TCHH: variants seen among roughly 807,000 people sequenced by gnomAD.
TCHH encodes the protein trichohyalin.
A neutral mutation model predicts 6.3 loss-of-function variants in TCHH; 6 were observed. That is an observed-to-expected ratio of 0.95 (90% CI 0.52 to 1.88). The LOEUF (loss-of-function observed/expected upper bound fraction) is 1.88, where lower values mean the gene tolerates loss of function less well. Ranked by LOEUF, TCHH falls within the 40% of genes most tolerant of loss-of-function variation. The pLI is 0.01. For missense variants in TCHH, 2,920 were observed against 2,449.1 expected, an observed-to-expected ratio of 1.19 and a Z score of -4.06; for synonymous variants, 1,087 against 963.6, an observed-to-expected ratio of 1.13 and a Z score of -2.37.
In TCHH at chr1:152,112,027, C is replaced by G; in HGVS notation, c.1190G>C (p.Arg397Pro). Residue 397 changes from arginine to proline, a missense_variant, in exon 3 of 3, where the codon CGC becomes CCC. Coordinates refer to ENST00000614923, the MANE Select transcript of TCHH (RefSeq NM_007113.4). ...QQLRREQQLR[R>P]EQQLRREQQL... ...CTGCTCGCGCCTCAGCTGCTGCTCG[C>G]GCCTCAGCTGCTGCTCGCGCCTCAG... is the stretch of plus-strand genomic sequence containing the variant. 1 of 343,520 alleles carries G rather than the reference C, an allele frequency of 2.9e-6. No individual in the cohort carries two copies. Among genetic ancestry groups the G allele is most frequent in the East Asian group, 6.9e-5 (1 of 14,546 alleles). The allele number at this position is 343,520 out of a possible 1,614,324, so 21.3% of individuals were successfully genotyped here.
rs1332129322 is a variant in TCHH at position 152,110,605 on chromosome 1, TCGCGGC to T, written c.2606_2611del (p.Arg869_Asp871delinsHis). ...TTCTAGTTGCCACCTCCATTTTTGG[TCGCGGC>T]GCTGCTCCTGGCTTCGCCTCCTCTC... On this transcript the variant is annotated inframe_deletion, in exon 3 of 3. Coordinates refer to ENST00000614923, the MANE Select transcript of TCHH (RefSeq NM_007113.4). The T allele has an allele frequency of 6.2e-7, 1 of 1,614,196 alleles. No homozygotes were observed.
In TCHH at chr1:152,107,616, T is replaced by C. The variant is rs971787685; in HGVS notation, c.5601A>G (p.Glu1867=). 3.7e-6 allele frequency: 6 copies of C among 1,614,176 alleles called. No homozygotes were observed. In the East Asian group the frequency reaches 6.7e-5, roughly 18 times the overall value. ...SRREEQELWQ[E]EEQKRRQERE... is the part of the protein sequence containing the mutation. The stretch of plus-strand genomic sequence containing the variant: ...GTTCCTGGCGACGTTTCTGCTCCTC[T>C]TCTTGCCATAGTTCTTGTTCCTCAC... The change falls in exon 3 of 3, where the codon GAA becomes GAG. Residue 1867 remains glutamate (E), a synonymous_variant. Transcript: ENST00000614923.
chr1:152,108,405 C>T lies in TCHH; in HGVS notation c.4812G>A (p.Leu1604=), dbSNP rs1052108674. Residue 1604 remains leucine, a synonymous_variant, in exon 3 of 3, where the codon CTG becomes CTA. Coordinates refer to ENST00000614923, the MANE Select transcript of TCHH (RefSeq NM_007113.4). ...ERKFMEDEQQ[L]RRQEGQQQLR... Reference sequence around the variant, plus strand: ...GCTGTTGTTGGCCCTCCTGGCGGCGCAGCTGCTGTTCGTCCTCCATGAATT... The same window carrying T: ...GCTGTTGTTGGCCCTCCTGGCGGCGTAGCTGCTGTTCGTCCTCCATGAATT... 4 of 1,612,428 alleles carry T rather than the reference C, an allele frequency of 2.5e-6. No homozygotes were observed. The Admixed American group carries it at 5.0e-5, about 20-fold the overall frequency.
chr1:152,107,929 TGCTGTTCTTCCCTTTCCGGACGGA>T lies in TCHH; in HGVS notation c.5264_5287del (p.Leu1755_Gln1762del), dbSNP rs1388469225. The T allele has an allele frequency of 6.2e-7, 1 of 1,614,094 alleles. No individual in the cohort carries two copies. Among genetic ancestry groups the T allele is most frequent in the Non-Finnish European group, 8.5e-7 (1 of 1,180,000 alleles). Reference sequence around the variant, plus strand: ...TCTGTCGCGCTCCTGGCGGCGCAGCTGCTGTTCTTCCCTTTCCGGACGGAGCTGCTCTTCCTCTAGGATTTTTCT... The same window carrying T: ...TCTGTCGCGCTCCTGGCGGCGCAGCTGCTGCTCTTCCTCTAGGATTTTTCT... On this transcript the variant is annotated inframe_deletion, in exon 3 of 3. Coordinates refer to ENST00000614923, the MANE Select transcript of TCHH (RefSeq NM_007113.4).
rs987915327 is a variant in TCHH at position 152,112,904 on chromosome 1, C to T, written c.313G>A (p.Gly105Arg). 4.3e-6 allele frequency: 7 copies of T among 1,613,820 alleles called. No individual in the cohort carries two copies. The highest frequency in any genetic ancestry group is 1.1e-5 in the South Asian group (1 of 91,070). ...CGATCTTGTAACAGGCTCTCCTTTCCGTCACACCGGGCTCGCTTCTCCTCA... is the reference window on the plus strand; with the variant it reads ...CGATCTTGTAACAGGCTCTCCTTTCTGTCACACCGGGCTCGCTTCTCCTCA... ...LDEEKRARCDGKESLLQDRRQ... is the reference protein window; with the variant it reads ...LDEEKRARCDRKESLLQDRRQ... Residue 105 changes from glycine to arginine, a missense_variant, in exon 3 of 3, where the codon GGA becomes AGA. By Grantham distance (125) the Gly-to-Arg change is moderately radical (BLOSUM62 -2). Coordinates refer to ENST00000614923, the MANE Select transcript of TCHH (RefSeq NM_007113.4).
intron 2 of TCHH, 39 bp from the exon 3 acceptor site, chr1:152,113,117 A>G (rs1205016117): frequency 7.9e-6 from 12 of 1,517,302 alleles, no homozygotes; most frequent in East Asian, 4.5e-5. Flanking sequence ...ACAATGCACT[A>G]TTTACAGGTG....
Position 152,107,316 on chromosome 1 carries a change from T to C in TCHH, c.*69A>G, listed in dbSNP as rs1572153528. 1 of 1,411,452 alleles carries C rather than the reference T, an allele frequency of 7.1e-7. No homozygotes were observed. 87.4% of individuals were successfully genotyped at this position (1,411,452 alleles called of 1,614,324 possible). On this transcript the variant is annotated 3_prime_UTR_variant, in exon 3 of 3. Transcript: ENST00000614923. ...AACCAGAAACATCTGAGTTATCACT[T>C]GGTACCCAGTGTTTCTCATTTTCCC...
At position 152,110,868 on chromosome 1, in the gene TCHH, C is replaced by A; in HGVS notation, c.2349G>T (p.Arg783Ser). The A allele has an allele frequency of 6.2e-7, 1 of 1,610,552 alleles. No individual in the cohort carries two copies. The highest frequency in any genetic ancestry group is 1.1e-5 in the South Asian group (1 of 91,060). ...AEEKSERGRQ[R>S]LSARPPLREQ... ...CCCGCAATGGGGGCCTGGCCGACAG[C>A]CTCTGACGGCCCCTCTCGCTCTTTT... The change falls in exon 3 of 3, where the codon AGG (arginine) becomes AGT (serine). Residue 783 changes from arginine to serine, a missense_variant. Coordinates refer to ENST00000614923, the MANE Select transcript of TCHH (RefSeq NM_007113.4).
chr1:152,111,324 C>A lies in TCHH; in HGVS notation c.1893G>T (p.Gln631His). The change falls in exon 3 of 3, where the codon CAG (glutamine) becomes CAT (histidine). Residue 631 changes from glutamine to histidine, a missense_variant. Coordinates refer to ENST00000614923, the MANE Select transcript of TCHH (RefSeq NM_007113.4). Reference sequence around the variant, plus strand: ...CCTGCTCCTCGCTCTTCAGCAGCTGCTGGCGCCTCTCTTCCTCCGGCTCCT... The same window carrying A: ...CCTGCTCCTCGCTCTTCAGCAGCTGATGGCGCCTCTCTTCCTCCGGCTCCT... ...KREEPEEERR[Q>H]QLLKSEEQEE... is the part of the protein sequence containing the mutation. The A allele has an allele frequency of 6.2e-7, 1 of 1,601,444 alleles. No homozygotes were observed. Among genetic ancestry groups the A allele is most frequent in the South Asian group, 1.1e-5 (1 of 90,594 alleles).
At position 152,112,888 on chromosome 1, in the gene TCHH, A is replaced by G. The variant is rs778393724; in HGVS notation, c.329T>C (p.Leu110Ser). The G allele has an allele frequency of 2.3e-5, 37 of 1,613,734 alleles. No individual in the cohort carries two copies. The highest frequency in any genetic ancestry group is 3.1e-5 in the Non-Finnish European group (36 of 1,180,010). The change falls in exon 3 of 3, where the codon TTA becomes TCA. Residue 110 changes from leucine (L) to serine (S), a missense_variant. Leu to Ser is a moderately radical substitution (Grantham distance 145). Coordinates refer to ENST00000614923, the MANE Select transcript of TCHH (RefSeq NM_007113.4). Reference protein sequence around the residue: ...RARCDGKESLLQDRRQEEDQR... With the variant: ...RARCDGKESLSQDRRQEEDQR... ...GTCTTCTTCTTGCCTGCGATCTTGT[A>G]ACAGGCTCTCCTTTCCGTCACACCG...
chr1:152,113,976 G>A lies in TCHH; in HGVS notation c.105C>T (p.Asn35=). 6.2e-7 allele frequency: 1 copy of A among 1,613,700 alleles called. No individual in the cohort carries two copies. The highest frequency in any genetic ancestry group is 1.1e-5 in the South Asian group (1 of 90,986). Residue 35 remains asparagine (N), a synonymous_variant, in exon 2 of 3, where the codon AAC becomes AAT. Coordinates refer to ENST00000614923, the MANE Select transcript of TCHH (RefSeq NM_007113.4). The part of the protein sequence containing the change: ...GAALTKKDLK[N]LLEREFGAVL... ...CAGCTCCAAATTCCCTTTCAAGGAG[G>A]TTCTTCAGGTCTTTCTTAGTTAATG... is the stretch of plus-strand genomic sequence containing the variant.
chr1:152,110,901 C>T lies in TCHH; in HGVS notation c.2316G>A (p.Gln772=). The change falls in exon 3 of 3, where the codon CAG becomes CAA. Residue 772 remains glutamine (Q), a synonymous_variant. Coordinates refer to ENST00000614923, the MANE Select transcript of TCHH (RefSeq NM_007113.4). The stretch of plus-strand genomic sequence containing the variant: ...GGCCCCTCTCGCTCTTTTCCTCCGC[C>T]TGCCACTGCCATGTGAAGTCCCGGC... ...EQRRDFTWQW[Q]AEEKSERGRQ... 1 of 1,612,398 alleles carries T rather than the reference C, an allele frequency of 6.2e-7. No homozygotes were observed. The highest frequency in any genetic ancestry group is 1.1e-5 in the South Asian group (1 of 91,068).
At chr1:152,113,193 T>G in intron 2 of TCHH, 115 bp from the exon 3 acceptor site, 1 of 1,063,336 alleles carries the variant, frequency 9.4e-7, no homozygotes, top group Non-Finnish European at 1.3e-6. Flanking sequence ...TTCAGAGCAA[T>G]TAGAAAAATG....
Position 152,110,078 on chromosome 1 carries a change from C to A in TCHH, c.3139G>T (p.Glu1047Ter). The A allele has an allele frequency of 6.2e-7, 1 of 1,611,850 alleles. No individual in the cohort carries two copies. The highest frequency in any genetic ancestry group is 8.5e-7 in the Non-Finnish European group (1 of 1,179,096). The change falls in exon 3 of 3, where the codon GAG becomes TAG. Residue 1047 changes from glutamate (E) to a stop codon, truncating the protein, a stop_gained. Transcript: ENST00000614923. LOFTEE classifies it low-confidence loss of function (END_TRUNC). Reference sequence around the variant, plus strand: ...TCCTCTTCCTCCCGATATTGCCTCTCCCGCTCCTGGAGTCTTCTTTTCTCC... The same window carrying A: ...TCCTCTTCCTCCCGATATTGCCTCTACCGCTCCTGGAGTCTTCTTTTCTCC... ...EREKRRLQER[E>*]RQYREEEELQ...
rs373841793 is a variant in TCHH, at chr1:152,107,884, T to G, written c.5333A>C (p.Gln1778Pro). 17 of 1,614,142 alleles carry G rather than the reference T, an allele frequency of 1.1e-5. No individual in the cohort carries two copies. Among genetic ancestry groups the G allele is most frequent in the Admixed American group, 1.7e-5 (1 of 60,020 alleles). The change falls in exon 3 of 3, where the codon CAG becomes CCG. Residue 1778 changes from glutamine (Q) to proline (P), a missense_variant. Physicochemically the swap from Gln to Pro is moderately conservative, Grantham distance 76. Transcript: ENST00000614923. ...ERDRKFREEE[Q>P]LRQEREEQQL... ...CTGTTCCTCCCTCTCCTGGCGGAGC[T>G]GTTCCTCCTCGCGGAATTTTCTGTC...
intron 1 of TCHH, among the ~76,000 whole-genome samples, chr1:152,114,830 T>C (rs1458464390): frequency 6.6e-6 from 1 of 152,228 alleles, no homozygotes; most frequent in African/African-American, 2.4e-5. Context: ...AGGTCCTTTC[T>C]AAACCAAACG....
rs1557812030 is a variant in TCHH at position 152,111,688 on chromosome 1, T to TC, written c.1528dup (p.Glu510GlyfsTer168). ...CCGCTGCTCGCGCCTCTCCTCTTGC[T>TC]CCCGCCTTAGTTGCTGCTCGCGCCT... On this transcript the variant is annotated frameshift_variant, in exon 3 of 3. Coordinates refer to ENST00000614923, the MANE Select transcript of TCHH (RefSeq NM_007113.4). LOFTEE classifies it low-confidence loss of function (END_TRUNC). 1 of 1,542,050 alleles carries TC rather than the reference T, an allele frequency of 6.5e-7. No homozygotes were observed. Among genetic ancestry groups the TC allele is most frequent in the Non-Finnish European group, 8.9e-7 (1 of 1,126,160 alleles).
chr1:152,108,811 A>C lies in TCHH; in HGVS notation c.4406T>G (p.Leu1469Arg). The C allele has an allele frequency of 6.3e-7, 1 of 1,599,704 alleles. No individual in the cohort carries two copies. The highest frequency in any genetic ancestry group is 8.5e-7 in the Non-Finnish European group (1 of 1,177,164). The change falls in exon 3 of 3, where the codon CTG (leucine) becomes CGG (arginine). Residue 1469 changes from leucine (L) to arginine (R), a missense_variant. Coordinates refer to ENST00000614923, the MANE Select transcript of TCHH (RefSeq NM_007113.4). ...CTGCTGTTCTTCCCTTTCCTGGAGC[A>C]GCTGTTCCTCTTCGCGGAATTTTCT... ...RHRKFREEEQLLQEREEQQLH... is the reference protein window; with the variant it reads ...RHRKFREEEQRLQEREEQQLH...
At position 152,107,175 on chromosome 1, in the gene TCHH, C is replaced by T. The variant is rs1658128255; in HGVS notation, c.*210G>A. 6.6e-6 allele frequency: 3 copies of T among 454,826 alleles called. No homozygotes were observed. The highest frequency in any genetic ancestry group is 7.7e-6 in the Non-Finnish European group (2 of 261,292). 28.2% of individuals were successfully genotyped at this position (454,826 alleles called of 1,614,324 possible). A position where few individuals can be genotyped will look rare whatever the true frequency, so the allele number is the denominator to read the frequency against. On this transcript the variant is annotated 3_prime_UTR_variant, in exon 3 of 3. Transcript: ENST00000614923. Reference sequence around the variant, plus strand: ...GCATCAAAGAGCAAAAGAAAGACATCTTGCAGTAAAGAACTACTTGAGGAA... The same window carrying T: ...GCATCAAAGAGCAAAAGAAAGACATTTTGCAGTAAAGAACTACTTGAGGAA...
Sources: allele counts gnomAD v4.1 joint callset (sites outside exome capture counted in the v4.1 genomes callset), GRCh38; gene constraint gnomAD v4.1.1; transcripts MANE v1.5; gene names NCBI Gene and HGNC (gene_info 2026-07-23, HGNC 2026-07-21).